STS: variants seen among roughly 807,000 people sequenced by gnomAD.
STS encodes the protein steroid sulfatase.
In STS, 7 loss-of-function variants were observed where a neutral mutation model predicts 26.8. That is an observed-to-expected ratio of 0.26 (90% CI 0.15 to 0.49). The LOEUF is 0.49. STS is among the 20% of genes least tolerant of loss of function. The pLI is 0.98. For synonymous variants in STS, 199 were observed against 189.4 expected, an observed-to-expected ratio of 1.05 and a Z score of -0.42; for missense variants, 434 against 465.6, an observed-to-expected ratio of 0.93 and a Z score of 0.63.
In STS at chrX:7,194,006, G is replaced by A. The variant is rs112802773; in HGVS notation, c.-5+2998G>A. Among the ~76,000 whole-genome samples, 466 of 111,814 alleles carry A rather than the reference G, an allele frequency of 4.2e-3. 2 individuals are homozygous for A. Among genetic ancestry groups the A allele is most frequent in the South Asian group, 0.018 (47 of 2,643 alleles). ...TGCAACCTCCACCTCCCGGGTCCAA[G>A]TGATTCTTCTGCCTCAGCCTCCTGA... On this transcript the variant is annotated intron_variant, in intron 2 of 10. Coordinates refer to ENST00000674429, the MANE Select transcript of STS (RefSeq NM_001320752.2).
intron 2 of STS, among the ~76,000 whole-genome samples, chrX:7,203,000 C>G (rs919282751): frequency 3.0e-4 from 33 of 111,070 alleles, no homozygotes; most frequent in African/African-American, 9.5e-4. Context: ...CTCTCTTCAT[C>G]TCTCTCTTTC....
rs776440763 is a variant in STS at position 7,349,314 on chromosome X, TC to T, written c.1364-572del. On this transcript the variant is annotated intron_variant, in intron 10 of 10. Transcript: ENST00000674429. The stretch of plus-strand genomic sequence containing the variant: ...CCGCTGCACTCGGCCCTCATTTAAT[TC>T]CTTTTTTTTTTTTTTTTTTTTTTTT... Among the ~76,000 whole-genome samples the T allele has an allele frequency of 7.9e-4, 18 of 22,878 alleles. 3 individuals carry two copies. The highest frequency in any genetic ancestry group is 4.8e-3 in the South Asian group (2 of 418). The allele number at this position is 22,878 out of a possible 115,157, so 19.9% of individuals were successfully genotyped here. A position where few individuals can be genotyped will look rare whatever the true frequency, so the allele number is the denominator to read the frequency against.
chrX:7,225,298 G>A (rs1443042706), intron 2 of STS, among the ~76,000 whole-genome samples: 8 of 111,672 alleles, frequency 7.2e-5, no homozygotes, highest in East Asian at 2.8e-4. Flanking sequence ...CAGGTTCAGC[G>A]ATTCACCAGA....
intron 2 of STS, among the ~76,000 whole-genome samples, chrX:7,234,291 T>TA (rs1368540886): frequency 3.6e-5 from 4 of 112,261 alleles, no homozygotes; most frequent in Non-Finnish European, 5.6e-5. Flanking sequence ...AACACTTTAT[T>TA]ATTTTCTCCA....
chrX:7,301,227 C>T (rs967314632), intron 7 of STS, among the ~76,000 whole-genome samples: 11 of 38,941 alleles, frequency 2.8e-4, no homozygotes, highest in African/African-American at 2.4e-3. Flanking sequence ...ATCTCTACAA[C>T]GAATACAAAA....
chrX:7,160,272 GAGGC>G (rs1332867139), intron 1 of STS, among the ~76,000 whole-genome samples: 9 of 112,111 alleles, frequency 8.0e-5, no homozygotes, highest in Admixed American at 3.8e-4. Flanking sequence ...TTTGCTCTGG[GAGGC>G]GGAGTTTTAA....
At chrX:7,275,424 G>A (rs894479804) in intron 6 of STS, among the ~76,000 whole-genome samples, 4 of 110,958 alleles carry the variant, frequency 3.6e-5, no homozygotes, top group Admixed American at 1.9e-4. Context: ...AGAATTATTT[G>A]TATATATCAA....
At chrX:7,155,397 A>G (rs761034880) in intron 1 of STS, among the ~76,000 whole-genome samples, 1 of 112,151 alleles carries the variant, frequency 8.9e-6, no homozygotes, top group South Asian at 3.7e-4. Flanking sequence ...AACACATTGG[A>G]AAAGCAGACT....
At chrX:7,217,455 C>G (rs747522816) in intron 2 of STS, among the ~76,000 whole-genome samples, 1 of 111,803 alleles carries the variant, frequency 8.9e-6, no homozygotes, top group African/African-American at 3.2e-5. Flanking sequence ...TTAGAGGCCT[C>G]CACATGATCA....
rs142179548 is a variant in STS, at chrX:7,290,519, A to G, written c.943+14432A>G. ...AGATGTGTAAACCAAGGTGCATTGGAAGGCAGTAACTAGTCTCAGCAAGCT... is the reference window on the plus strand; with the variant it reads ...AGATGTGTAAACCAAGGTGCATTGGGAGGCAGTAACTAGTCTCAGCAAGCT... On this transcript the variant is annotated intron_variant, in intron 7 of 10. Transcript: ENST00000674429. 5.7e-3 allele frequency among the ~76,000 whole-genome samples: 642 copies of G among 112,095 alleles called. 8 individuals are homozygous for G. The highest frequency in any genetic ancestry group is 0.02 in the African/African-American group (604 of 30,875).
In STS at chrX:7,350,402, T is replaced by G. The variant is rs759169119; in HGVS notation, c.*141T>G. 10 of 881,856 alleles carry G rather than the reference T, an allele frequency of 1.1e-5. No individual in the cohort carries two copies. In the African/African-American group the frequency reaches 1.8e-4, roughly 16 times the overall value. 72.7% of individuals were successfully genotyped at this position (881,856 alleles called of 1,213,427 possible). A position where few individuals can be genotyped will look rare whatever the true frequency, so the allele number is the denominator to read the frequency against. ...TTCTCCATTTTATCACCTGAAGGCTTGGGCCAGAGCTCAACAGCTACTCAA... is the reference window on the plus strand; with the variant it reads ...TTCTCCATTTTATCACCTGAAGGCTGGGGCCAGAGCTCAACAGCTACTCAA... On this transcript the variant is annotated 3_prime_UTR_variant, in exon 11 of 11. Coordinates refer to ENST00000674429, the MANE Select transcript of STS (RefSeq NM_001320752.2).
At chrX:7,325,624 C>T in intron 9 of STS, 126 bp downstream of exon 9, 1 of 795,800 alleles carries the variant, frequency 1.3e-6, no homozygotes, top group Non-Finnish European at 1.9e-6. Context: ...CTGAAAATCA[C>T]AGGTTTGAGG....
intron 2 of STS, among the ~76,000 whole-genome samples, chrX:7,194,505 C>G (rs745405883): frequency 2.2e-4 from 24 of 111,187 alleles, no homozygotes; most frequent in Admixed American, 1.7e-3. Flanking sequence ...AGGTCCCTCC[C>G]ACAAGTCTAA....
chrX:7,181,933 A>C (rs1473858557), intron 1 of STS, among the ~76,000 whole-genome samples: 3 of 110,359 alleles, frequency 2.7e-5, no homozygotes, highest in Non-Finnish European at 3.8e-5. Flanking sequence ...AAAATATACA[A>C]ATCGGTGGCA....
intron 2 of STS, among the ~76,000 whole-genome samples, chrX:7,248,118 A>G (rs1403664998): frequency 8.9e-6 from 1 of 112,256 alleles, no homozygotes; most frequent in Non-Finnish European, 1.9e-5. Flanking sequence ...TCCAGACCCT[A>G]ATTATGTATA....
intron 8 of STS, among the ~76,000 whole-genome samples, chrX:7,319,412 A>C (rs763250855): frequency 2.7e-5 from 3 of 109,942 alleles, no homozygotes; most frequent in Non-Finnish European, 5.7e-5. Context: ...TCACCTGCCT[A>C]GGCCTCTCAA....
At chrX:7,231,411 G>A (rs1226304250) in intron 2 of STS, among the ~76,000 whole-genome samples, 2 of 112,004 alleles carry the variant, frequency 1.8e-5, no homozygotes, top group African/African-American at 6.5e-5. Context: ...AGGCTTCATG[G>A]CTTCTTTACC....
intron 1 of STS, among the ~76,000 whole-genome samples, chrX:7,161,755 CT>C (rs1442914737): frequency 8.9e-6 from 1 of 112,046 alleles, no homozygotes; most frequent in East Asian, 2.8e-4. Flanking sequence ...AATAATATCA[CT>C]AAAAGTGTTA....
chrX:7,285,652 C>T (rs1925094162), intron 7 of STS, among the ~76,000 whole-genome samples: 1 of 111,958 alleles, frequency 8.9e-6, no homozygotes, highest in African/African-American at 3.2e-5. Flanking sequence ...GTTCATTACA[C>T]ATGTTCTAGC....
Sources: gnomAD v4.1 joint callset for allele counts (sites outside exome capture counted in the v4.1 genomes callset) on GRCh38, gnomAD v4.1.1 for gene constraint, MANE v1.5 for transcripts, NCBI Gene and HGNC (gene_info 2026-07-23, HGNC 2026-07-21) for gene names.